TRMT9B: variants seen among roughly 807,000 people sequenced by gnomAD.
The protein encoded by TRMT9B is tRNA methyltransferase 9B (putative).
TRMT9B carries 16 observed loss-of-function variants against 11.5 expected under a neutral mutation model. That is an observed-to-expected ratio of 1.39 (90% CI 0.94 to 2.11). TRMT9B has a LOEUF of 2.11. Among genes scored for constraint, TRMT9B ranks in the 30% most tolerant of loss-of-function variants. The pLI is 0.00. For missense variants in TRMT9B, 941 were observed against 553.8 expected, an observed-to-expected ratio of 1.70 and a Z score of -7.02; for synonymous variants, 274 against 192.4, an observed-to-expected ratio of 1.42 and a Z score of -3.51.
At chr8:13,016,897 C>T (rs1812812558) in intron 4 of TRMT9B, among the ~76,000 whole-genome samples, 1 of 150,380 alleles carries the variant, frequency 6.6e-6, no homozygotes, top group South Asian at 2.1e-4. Flanking sequence ...GAGACTGAGG[C>T]AGGCGGATCA....
Position 13,006,192 on chromosome 8 carries a change from T to A in TRMT9B, c.-1-10T>A, listed in dbSNP as rs549968841. 16 of 1,613,550 alleles carry A rather than the reference T, an allele frequency of 9.9e-6. No individual in the cohort carries two copies. The African/African-American group carries it at 1.2e-4, about 12-fold the overall frequency. On this transcript the variant is annotated splice_polypyrimidine_tract_variant and intron_variant, in intron 2 of 4. Transcript: ENST00000524591. ...ACCTGCATGCCTTGGGTTGGTCCTG[T>A]TTTCTCCAGGATGGATCATGAAGCC...
Position 13,012,869 on chromosome 8 carries a change from A to AGG in TRMT9B, c.328+13_328+14insGG, listed in dbSNP as rs776245767. 3.1e-6 allele frequency: 5 copies of AGG among 1,612,646 alleles called. No homozygotes were observed. The African/African-American group carries it at 6.7e-5, about 21-fold the overall frequency. ...CATCTCCATAGGAGGTAAGGCAGCCAGATCACACATTCACCCTTTGCCATG... is the reference window on the plus strand; with the variant it reads ...CATCTCCATAGGAGGTAAGGCAGCCAGGGATCACACATTCACCCTTTGCCATG... On this transcript the variant is annotated intron_variant, in intron 4 of 4. Coordinates refer to ENST00000524591, the MANE Select transcript of TRMT9B (RefSeq NM_020844.3).
Position 13,025,979 on chromosome 8 carries a change from CA to C in TRMT9B, c.*3944del, listed in dbSNP as rs540725605. ...ATGAATGCCCCTGATTATTAATGGC[CA>C]AAAAAAAAGCACTGGTGGATTTTAA... On this transcript the variant is annotated 3_prime_UTR_variant, in exon 5 of 5. Transcript: ENST00000524591. 376 of 163,130 alleles carry C rather than the reference CA, an allele frequency of 2.3e-3. No homozygotes were observed. The highest frequency in any genetic ancestry group is 2.9e-3 in the Non-Finnish European group (198 of 67,132). 10.1% of individuals were successfully genotyped at this position (163,130 alleles called of 1,614,324 possible). A position where few individuals can be genotyped will look rare whatever the true frequency, so the allele number is the denominator to read the frequency against.
rs758875177 is a variant in TRMT9B, at chr8:12,995,510, C to T, written c.-2+4479C>T. ...TTTCTTTGCACTAACATATATGAACCGCATGATAATCACTCAATACATATA... is the reference window on the plus strand; with the variant it reads ...TTTCTTTGCACTAACATATATGAACTGCATGATAATCACTCAATACATATA... On this transcript the variant is annotated intron_variant, in intron 2 of 4. Coordinates refer to ENST00000524591, the MANE Select transcript of TRMT9B (RefSeq NM_020844.3). 1.1e-4 allele frequency among the ~76,000 whole-genome samples: 17 copies of T among 152,070 alleles called. 1 individual carries two copies. Among genetic ancestry groups the T allele is most frequent in the East Asian group, 9.6e-4 (5 of 5,194 alleles).
chr8:12,957,456 A>G (rs1448831438), intron 1 of TRMT9B, among the ~76,000 whole-genome samples: 1 of 94,576 alleles, frequency 1.1e-5, no homozygotes, highest in Non-Finnish European at 2.2e-5. Context: ...CATCAAATTT[A>G]TGATTAGAGT....
intron 4 of TRMT9B, among the ~76,000 whole-genome samples, chr8:13,016,772 G>A (rs1238173077): frequency 6.6e-6 from 1 of 150,730 alleles, no homozygotes; most frequent in African/African-American, 2.5e-5. Flanking sequence ...TTTCCCCAGA[G>A]GACATGAGCA....
chr8:13,021,969 G>A lies in TRMT9B; in HGVS notation c.1290G>A (p.Glu430=). Residue 430 remains glutamate, a synonymous_variant, in exon 5 of 5, where the codon GAG becomes GAA. Coordinates refer to ENST00000524591, the MANE Select transcript of TRMT9B (RefSeq NM_020844.3). The part of the protein sequence containing the change: ...LCSLLKENVS[E]LRILSSGNDH... ...GTCTGCTCAAGGAGAATGTGTCAGAGCTCCGTATCCTGAGTTCTGGGAATG... is the reference window on the plus strand; with the variant it reads ...GTCTGCTCAAGGAGAATGTGTCAGAACTCCGTATCCTGAGTTCTGGGAATG... 4 of 1,613,548 alleles carry A rather than the reference G, an allele frequency of 2.5e-6. No homozygotes were observed. The highest frequency in any genetic ancestry group is 2.5e-6 in the Non-Finnish European group (3 of 1,179,716).
chr8:13,003,025 G>GTATT (rs1809756042), intron 2 of TRMT9B, among the ~76,000 whole-genome samples: 1 of 152,134 alleles, frequency 6.6e-6, no homozygotes, highest in Non-Finnish European at 1.5e-5. Context: ...CTCACTATGT[G>GTATT]TATTTATTTG....
chr8:13,021,593 A>G lies in TRMT9B; in HGVS notation c.914A>G (p.Gln305Arg). The G allele has an allele frequency of 6.2e-7, 1 of 1,613,964 alleles. No homozygotes were observed. The highest frequency in any genetic ancestry group is 8.5e-7 in the Non-Finnish European group (1 of 1,179,866). ...DHQEPFSTKGQSLDEEVFVES... is the reference protein window; with the variant it reads ...DHQEPFSTKGRSLDEEVFVES... ...CAAGAGCCATTTTCAACAAAAGGGC[A>G]AAGTTTAGATGAGGAAGTGTTTGTG... The change falls in exon 5 of 5, where the codon CAA becomes CGA. Residue 305 changes from glutamine (Q) to arginine (R), a missense_variant. By Grantham distance (43) the Gln-to-Arg change is conservative. Coordinates refer to ENST00000524591, the MANE Select transcript of TRMT9B (RefSeq NM_020844.3).
At chr8:12,963,456 C>T (rs1271539492) in intron 1 of TRMT9B, among the ~76,000 whole-genome samples, 1 of 151,570 alleles carries the variant, frequency 6.6e-6, no homozygotes, top group African/African-American at 2.4e-5. Flanking sequence ...AACAGAAAAA[C>T]ACATGTATAC....
intron 2 of TRMT9B, among the ~76,000 whole-genome samples, chr8:13,005,650 T>C (rs951826217): frequency 2.0e-5 from 3 of 152,120 alleles, no homozygotes; most frequent in Admixed American, 6.5e-5. Context: ...GTAATTGAAA[T>C]TGGGAAAAGC....
chr8:12,959,825 G>T (rs1305011965), intron 1 of TRMT9B: 1 of 152,024 alleles, frequency 6.6e-6, no homozygotes, highest in Non-Finnish European at 1.5e-5. Context: ...CACCATGCCT[G>T]GCCTGGTCCC....
intron 1 of TRMT9B, among the ~76,000 whole-genome samples, chr8:12,956,117 C>T (rs1801272053): frequency 6.6e-6 from 1 of 152,210 alleles, no homozygotes; most frequent in African/African-American, 2.4e-5. Flanking sequence ...GAACACTGTG[C>T]CCAGAACCCT....
chr8:13,008,280 G>T (rs1810880998), intron 3 of TRMT9B, among the ~76,000 whole-genome samples: 1 of 152,140 alleles, frequency 6.6e-6, no homozygotes, highest in Non-Finnish European at 1.5e-5. Flanking sequence ...CTTATGTTCA[G>T]GAACACTAGA....
chr8:13,001,761 G>A (rs117790862), intron 2 of TRMT9B, among the ~76,000 whole-genome samples: 1 of 152,178 alleles, frequency 6.6e-6, no homozygotes, highest in Non-Finnish European at 1.5e-5. Context: ...TGTGCATTTT[G>A]AATCTCAAAG....
Position 13,012,975 on chromosome 8 carries a change from T to C in TRMT9B, c.328+118T>C, listed in dbSNP as rs1811938097. 3 of 1,258,312 alleles carry C rather than the reference T, an allele frequency of 2.4e-6. No individual in the cohort carries two copies. The Admixed American group carries it at 1.0e-4, about 43-fold the overall frequency. The allele number at this position is 1,258,312 out of a possible 1,614,324, so 77.9% of individuals were successfully genotyped here. A position where few individuals can be genotyped will look rare whatever the true frequency, so the allele number is the denominator to read the frequency against. ...AAATGTCAATGTAATTTATTTTATCTAATTTAAAAAAATTGTTTCAACTAC... is the reference window on the plus strand; with the variant it reads ...AAATGTCAATGTAATTTATTTTATCCAATTTAAAAAAATTGTTTCAACTAC... On this transcript the variant is annotated intron_variant, in intron 4 of 4. Coordinates refer to ENST00000524591, the MANE Select transcript of TRMT9B (RefSeq NM_020844.3).
In TRMT9B at chr8:13,009,496, C is replaced by G. The variant is rs1028369508; in HGVS notation, c.154+3140C>G. On this transcript the variant is annotated intron_variant, in intron 3 of 4. Coordinates refer to ENST00000524591, the MANE Select transcript of TRMT9B (RefSeq NM_020844.3). ...CTTAGTGTAAAATCTTCTCCCATCC[C>G]AGTCCCTGGCGCCAAGCAACCCACA... Among the ~76,000 whole-genome samples, 6 of 152,154 alleles carry G rather than the reference C, an allele frequency of 3.9e-5. No individual in the cohort carries two copies. The South Asian group carries it at 1.2e-3, about 32-fold the overall frequency.
intron 1 of TRMT9B, among the ~76,000 whole-genome samples, chr8:12,964,472 A>C (rs1217387572): frequency 6.6e-6 from 1 of 152,092 alleles, no homozygotes; most frequent in Non-Finnish European, 1.5e-5. Flanking sequence ...ATTCCTGTTT[A>C]ATTTGTTTTT....
At chr8:13,016,899 G>A (rs1585399544) in intron 4 of TRMT9B, among the ~76,000 whole-genome samples, 1 of 150,500 alleles carries the variant, frequency 6.6e-6, no homozygotes, top group Non-Finnish European at 1.5e-5. Flanking sequence ...GACTGAGGCA[G>A]GCGGATCACA....
Sources: allele counts gnomAD v4.1 joint callset (sites outside exome capture counted in the v4.1 genomes callset), GRCh38; gene constraint gnomAD v4.1.1; transcripts MANE v1.5; gene names NCBI Gene and HGNC (gene_info 2026-07-23, HGNC 2026-07-21).